Variants in BBS9 observed in about 807,000 individuals in gnomAD.
BBS9 encodes the protein Bardet-Biedl syndrome 9.
In BBS9, 89 loss-of-function variants were observed where a neutral mutation model predicts 117.7. The observed-to-expected ratio is 0.76, with a 90% CI of 0.64 to 0.90. BBS9 has a LOEUF of 0.90. BBS9 is among the 40% of genes least tolerant of loss of function. The probability of loss-of-function intolerance (pLI) is 0.00; values close to 1 mark genes in which losing one functional copy is unlikely to be tolerated. For synonymous variants in BBS9, 379 were observed against 370.9 expected (o/e 1.02, Z -0.25); for missense variants, 982 against 1,042.2 (o/e 0.94, Z 0.80).
At chr7:33,235,400 T>G (rs2128270555) in intron 5 of BBS9, among the ~76,000 whole-genome samples, 1 of 152,282 alleles carries the variant, frequency 6.6e-6, no homozygotes, top group Non-Finnish European at 1.5e-5. Flanking sequence ...TATTACTACT[T>G]TTAAGCAATG....
At chr7:33,257,054 T>C (rs1382670366) in intron 5 of BBS9, among the ~76,000 whole-genome samples, 182 bp from the exon 6 acceptor site, 2 of 152,168 alleles carry the variant, frequency 1.3e-5, no homozygotes, top group African/African-American at 4.8e-5. Flanking sequence ...AATTAGTTTA[T>C]AGTTGAGGGC....
chr7:33,358,942 A>G (rs1820124068), intron 16 of BBS9, among the ~76,000 whole-genome samples: 1 of 151,852 alleles, frequency 6.6e-6, no homozygotes, highest in African/African-American at 2.4e-5. Context: ...AATTTTATTT[A>G]TATATAACTC....
intron 19 of BBS9, among the ~76,000 whole-genome samples, chr7:33,460,456 A>G (rs1839299978): frequency 1.3e-5 from 2 of 152,128 alleles, no homozygotes; most frequent in Non-Finnish European, 2.9e-5. Context: ...TTTTGATTTT[A>G]AAATGAATAT....
intron 9 of BBS9, among the ~76,000 whole-genome samples, chr7:33,320,041 A>C (rs918148221): frequency 3.9e-5 from 6 of 152,186 alleles, no homozygotes; most frequent in African/African-American, 1.4e-4. Flanking sequence ...TACAATGCTT[A>C]ATAATCACAT....
intron 9 of BBS9, among the ~76,000 whole-genome samples, chr7:33,302,935 C>T (rs1013556376): frequency 2.0e-5 from 3 of 151,918 alleles, no homozygotes; most frequent in Non-Finnish European, 4.4e-5. Context: ...TCCATTTTCT[C>T]TTAAATTTCT....
At chr7:33,472,797 T>C (rs1376914924) in intron 19 of BBS9, among the ~76,000 whole-genome samples, 1 of 152,224 alleles carries the variant, frequency 6.6e-6, no homozygotes, top group African/African-American at 2.4e-5. Context: ...CTTACTTTTT[T>C]CCTGTAGTGA....
intron 13 of BBS9, 186 bp downstream of exon 13, chr7:33,349,356 G>A (rs1414251147): frequency 1.6e-6 from 1 of 630,584 alleles, no homozygotes; most frequent in Admixed American, 2.1e-5. Context: ...ATCAATGATT[G>A]TTGGGTCAAA....
chr7:33,214,555 T>C (rs1788669264), intron 5 of BBS9, among the ~76,000 whole-genome samples: 1 of 152,196 alleles, frequency 6.6e-6, no homozygotes, highest in African/African-American at 2.4e-5. Context: ...GTGTTAAAAT[T>C]TGGTGTTCCT....
rs201502628 is a variant in BBS9 at position 33,175,313 on chromosome 7, T to TA, written c.329-2154dup. On this transcript the variant is annotated intron_variant, in intron 4 of 22. Transcript: ENST00000242067. ...AGACTCTGTCTTTAAAAAATAAAAA[T>TA]AAAAAAAAAAACAACAAAACTAATG... Among the ~76,000 whole-genome samples the TA allele has an allele frequency of 2.2e-3, 314 of 140,930 alleles. 1 individual carries two copies. Among genetic ancestry groups the TA allele is most frequent in the Middle Eastern group, 0.014 (4 of 284 alleles). 92.5% of individuals were successfully genotyped at this position (140,930 alleles called of 152,430 possible). A position where few individuals can be genotyped will look rare whatever the true frequency, so the allele number is the denominator to read the frequency against.
chr7:33,142,852 C>G (rs1791714757), intron 1 of BBS9, among the ~76,000 whole-genome samples: 2 of 152,036 alleles, frequency 1.3e-5, no homozygotes, highest in Admixed American at 1.3e-4. Context: ...GGTTCTGCCT[C>G]TTGGTTATTG....
At chr7:33,257,214 A>T (rs1797214846) in intron 5 of BBS9, 22 bp from the exon 6 acceptor site, 3 of 1,544,884 alleles carry the variant, frequency 1.9e-6, no homozygotes, top group Non-Finnish European at 2.7e-6. Context: ...AGATTATCTA[A>T]TTTTCTCTAA....
At chr7:33,458,218 GAGGAA>G (rs1563203277) in intron 19 of BBS9, among the ~76,000 whole-genome samples, 1 of 152,134 alleles carries the variant, frequency 6.6e-6, no homozygotes, top group Admixed American at 6.6e-5. Context: ...AAAGTCATCC[GAGGAA>G]AGGCTGAATG....
At chr7:33,410,954 AAT>A (rs10685989) in intron 19 of BBS9, among the ~76,000 whole-genome samples, 22 of 143,854 alleles carry the variant, frequency 1.5e-4, no homozygotes, top group Non-Finnish European at 1.2e-4. Flanking sequence ...GTATCCGTCT[AAT>A]ATATATATAT....
chr7:33,551,851 G>A (rs146982874), intron 21 of BBS9, among the ~76,000 whole-genome samples: 3 of 152,182 alleles, frequency 2.0e-5, no homozygotes, highest in African/African-American at 7.2e-5. Context: ...TGAGAGGATG[G>A]CATATTGTAT....
intron 19 of BBS9, among the ~76,000 whole-genome samples, chr7:33,442,970 A>G (rs999643166): frequency 2.6e-5 from 4 of 152,062 alleles, no homozygotes; most frequent in African/African-American, 9.6e-5. Flanking sequence ...GGCATCTTAT[A>G]TGTCATGTAT....
chr7:33,322,765 C>T (rs2128586526), intron 9 of BBS9, among the ~76,000 whole-genome samples: 1 of 151,794 alleles, frequency 6.6e-6, no homozygotes, highest in East Asian at 1.9e-4. Context: ...TTATTTTTCT[C>T]TTTTAGTAAT....
At chr7:33,227,131 A>G (rs1429370160) in intron 5 of BBS9, among the ~76,000 whole-genome samples, 2 of 151,928 alleles carry the variant, frequency 1.3e-5, no homozygotes, top group African/African-American at 4.8e-5. Flanking sequence ...ATAATATATT[A>G]TGTAATTTGT....
chr7:33,295,766 C>G lies in BBS9; in HGVS notation c.1016+21810C>G, dbSNP rs191305333. On this transcript the variant is annotated intron_variant, in intron 9 of 22. Coordinates refer to ENST00000242067, the MANE Select transcript of BBS9 (RefSeq NM_198428.3). ...TGTGATTTAATTACTATACTGACAT[C>G]TGTTTGATCCAGACTGTTAACAAAA... 4.4e-3 allele frequency among the ~76,000 whole-genome samples: 665 copies of G among 152,088 alleles called. 6 individuals carry two copies. Among genetic ancestry groups the G allele is most frequent in the Middle Eastern group, 0.01 (3 of 294 alleles).
intron 19 of BBS9, among the ~76,000 whole-genome samples, chr7:33,434,199 A>G (rs929497612): frequency 2.0e-5 from 3 of 151,936 alleles, no homozygotes; most frequent in Non-Finnish European, 4.4e-5. Flanking sequence ...ATGGGCCAAG[A>G]ATATTAGCCT....
Sources: gnomAD v4.1 joint callset for allele counts (sites outside exome capture counted in the v4.1 genomes callset) on GRCh38, gnomAD v4.1.1 for gene constraint, MANE v1.5 for transcripts, NCBI Gene and HGNC (gene_info 2026-07-23, HGNC 2026-07-21) for gene names.